The following PEBP4 variants were observed in gnomAD, a reference collection of about 807,000 sequenced individuals.
The protein encoded by PEBP4 is phosphatidylethanolamine binding protein 4, also known as phosphatidylethanolamine-binding protein 4.
Under a neutral mutation model 23.9 loss-of-function variants are expected in PEBP4, and 22 were observed. The ratio of observed to expected loss-of-function variants is 0.92; its 90% confidence interval spans 0.66 to 1.31. The LOEUF is 1.31. PEBP4 is among the 40% of genes most tolerant of loss of function. The probability of loss-of-function intolerance (pLI) is 0.00; values close to 1 mark genes in which losing one functional copy is unlikely to be tolerated. For synonymous variants in PEBP4, 112 were observed against 99.3 expected, an observed-to-expected ratio of 1.13 and a Z score of -0.76; for missense variants, 324 against 281.7, an observed-to-expected ratio of 1.15 and a Z score of -1.07.
intron 4 of PEBP4, among the ~76,000 whole-genome samples, chr8:22,780,319 G>A (rs1805889231): frequency 6.6e-6 from 1 of 152,036 alleles, no homozygotes; most frequent in African/African-American, 2.4e-5. Context: ...TCTCACCCAG[G>A]CCTGGGTCAA....
chr8:22,793,433 A>ATTTTTTTTTT (rs11315221), intron 4 of PEBP4, among the ~76,000 whole-genome samples: 3 of 120,330 alleles, frequency 2.5e-5, no homozygotes, highest in African/African-American at 3.1e-5. Context: ...CGCCCAGCTC[A>ATTTTTTTTTT]TTTTTTTTTT....
At chr8:22,827,693 C>T (rs1807001168) in intron 3 of PEBP4, among the ~76,000 whole-genome samples, 1 of 152,226 alleles carries the variant, frequency 6.6e-6, no homozygotes. Context: ...CTGCTGTGAA[C>T]ATTTGCTGTA....
chr8:22,920,038 C>A, intron 3 of PEBP4, 146 bp downstream of exon 3: 1 of 981,494 alleles, frequency 1.0e-6, no homozygotes, highest in Non-Finnish European at 1.5e-6. Flanking sequence ...AAGGAAGGCA[C>A]AACTTTATGG....
At chr8:22,744,765 A>G (rs1805078546) in intron 4 of PEBP4, 1 of 152,234 alleles carries the variant, frequency 6.6e-6, no homozygotes, top group Admixed American at 6.5e-5. Flanking sequence ...GGGTTGGGCC[A>G]TGGTTGTTAG....
intron 4 of PEBP4, among the ~76,000 whole-genome samples, chr8:22,778,443 G>A (rs1252915137): frequency 6.6e-6 from 1 of 151,054 alleles, no homozygotes; most frequent in African/African-American, 2.4e-5. Context: ...GGAGTGCAGT[G>A]GCATGGTCTC....
intron 3 of PEBP4, among the ~76,000 whole-genome samples, chr8:22,856,577 C>T (rs931555918): frequency 5.9e-5 from 9 of 151,990 alleles, no homozygotes; most frequent in African/African-American, 1.7e-4. Context: ...AGTAGCCAGG[C>T]GTAGTGGTGC....
At chr8:22,856,767 G>T (rs1276772710) in intron 3 of PEBP4, among the ~76,000 whole-genome samples, 1 of 151,770 alleles carries the variant, frequency 6.6e-6, no homozygotes, top group Non-Finnish European at 1.5e-5. Context: ...CCTTGAAAAG[G>T]TGCATACCCT....
chr8:22,908,685 CA>C (rs1808868322), intron 3 of PEBP4, among the ~76,000 whole-genome samples: 1 of 152,190 alleles, frequency 6.6e-6, no homozygotes, highest in Non-Finnish European at 1.5e-5. Flanking sequence ...CCAAGGAAGG[CA>C]GCTCTGAGAG....
intron 4 of PEBP4, among the ~76,000 whole-genome samples, chr8:22,801,233 C>T (rs1025312679): frequency 6.6e-6 from 1 of 152,160 alleles, no homozygotes; most frequent in Non-Finnish European, 1.5e-5. Flanking sequence ...TGGGGAGAGA[C>T]TTCAGGTTGA....
intron 4 of PEBP4, among the ~76,000 whole-genome samples, chr8:22,776,769 AT>A (rs35961737): frequency 1.4e-5 from 2 of 144,496 alleles, no homozygotes; most frequent in Admixed American, 7.0e-5. Flanking sequence ...TTGGTAAGCC[AT>A]TTTTTTCTGA....
intron 3 of PEBP4, among the ~76,000 whole-genome samples, chr8:22,848,000 AT>A (rs1003537772): frequency 9.2e-5 from 14 of 151,356 alleles, no homozygotes; most frequent in South Asian, 4.2e-4. Flanking sequence ...AAGGCTTTTA[AT>A]TTTTTTTTCT....
At chr8:22,794,280 G>A (rs1806197372) in intron 4 of PEBP4, among the ~76,000 whole-genome samples, 1 of 143,232 alleles carries the variant, frequency 7.0e-6, no homozygotes, top group Non-Finnish European at 1.5e-5. Context: ...CAACAACCCT[G>A]TGAGAGGTAC....
chr8:22,854,294 G>C (rs4284045), intron 3 of PEBP4, among the ~76,000 whole-genome samples: 136,721 of 152,246 alleles, frequency 0.9, 61,595 homozygotes, highest in Admixed American at 0.93. Context: ...CCCTACATCT[G>C]CCAGGACAAA....
chr8:22,920,122 G>A (rs1809167553), intron 3 of PEBP4, 62 bp downstream of exon 3: 3 of 1,575,278 alleles, frequency 1.9e-6, no homozygotes, highest in African/African-American at 2.7e-5. Flanking sequence ...AGATGAGCAA[G>A]CCTGGAGGAA....
In PEBP4 at chr8:22,713,402, G is replaced by T. The variant is rs755827797; in HGVS notation, c.652C>A (p.His218Asn). 15 of 1,607,198 alleles carry T rather than the reference G, an allele frequency of 9.3e-6. No individual in the cohort carries two copies. The highest frequency in any genetic ancestry group is 1.3e-5 in the Non-Finnish European group (15 of 1,177,298). The change falls in exon 7 of 7, where the codon CAC becomes AAC. Residue 218 changes from histidine to asparagine, a missense_variant. Coordinates refer to ENST00000256404, the MANE Select transcript of PEBP4 (RefSeq NM_144962.3). ...GCAGCTATCTCCGCCTGGTTTTTGTGCTTGGGCTCGCTGGCCCTTTCTCTG... is the reference window on the plus strand; with the variant it reads ...GCAGCTATCTCCGCCTGGTTTTTGTTCTTGGGCTCGCTGGCCCTTTCTCTG... ...APRERASEPK[H>N]KNQAEIAAC is the part of the protein sequence containing the mutation.
intron 4 of PEBP4, among the ~76,000 whole-genome samples, chr8:22,815,656 C>T (rs1184748338): frequency 6.6e-6 from 1 of 152,170 alleles, no homozygotes; most frequent in Non-Finnish European, 1.5e-5. Context: ...CCGGCCTGAG[C>T]GGGAAGGCCG....
At chr8:22,714,584 A>C (rs572072595) in intron 6 of PEBP4, among the ~76,000 whole-genome samples, 1 of 151,864 alleles carries the variant, frequency 6.6e-6, no homozygotes, top group African/African-American at 2.4e-5. Flanking sequence ...CAGGGTGGAG[A>C]GAGAGTGCCT....
At chr8:22,896,907 T>C (rs778821488) in intron 3 of PEBP4, among the ~76,000 whole-genome samples, 6 of 150,398 alleles carry the variant, frequency 4.0e-5, no homozygotes, top group Non-Finnish European at 7.4e-5. Context: ...ATGGTATATT[T>C]GGATATTTTT....
chr8:22,940,670 C>T (rs948896188), intron 1 of PEBP4, among the ~76,000 whole-genome samples: 9 of 151,700 alleles, frequency 5.9e-5, no homozygotes, highest in African/African-American at 2.2e-4. Flanking sequence ...TTTGTATTTT[C>T]AGTAGAGACG....
Sources: allele counts gnomAD v4.1 joint callset (sites outside exome capture counted in the v4.1 genomes callset), GRCh38; gene constraint gnomAD v4.1.1; transcripts MANE v1.5; gene names NCBI Gene and HGNC (gene_info 2026-07-23, HGNC 2026-07-21).